Variants in UBA3 observed in about 807,000 individuals in gnomAD.
UBA3 encodes the protein NEDD8-activating enzyme E1 catalytic subunit.
Under a neutral mutation model 73.5 loss-of-function variants are expected in UBA3, and 26 were observed. That is an observed-to-expected ratio of 0.35 (90% CI 0.26 to 0.49). UBA3 has a LOEUF of 0.49. Among genes scored for constraint, UBA3 ranks in the 20% least tolerant of loss-of-function variants. The probability of loss-of-function intolerance (pLI) is 0.98; values close to 1 mark genes in which losing one functional copy is unlikely to be tolerated. For missense variants in UBA3, 495 were observed against 555.6 expected (o/e 0.89, Z 1.10); for synonymous variants, 217 against 191.2 (o/e 1.13, Z -1.11).
chr3:69,070,449 A>T (rs939165032), intron 5 of UBA3, among the ~76,000 whole-genome samples: 1 of 152,170 alleles, frequency 6.6e-6, no homozygotes, highest in Non-Finnish European at 1.5e-5. Flanking sequence ...ATATACCCAG[A>T]ACAATTTGAG....
At chr3:69,063,404 A>G (rs2092039816) in intron 8 of UBA3, 35 bp downstream of exon 8, 1 of 1,569,746 alleles carries the variant, frequency 6.4e-7, no homozygotes, top group Non-Finnish European at 8.6e-7. Context: ...AGCAGCAAGA[A>G]CTTCAGAGAA....
At position 69,061,933 on chromosome 3, in the gene UBA3, TAA is replaced by T. The variant is rs539744043; in HGVS notation, c.797-8_797-7del. ...TCCATCTAATGGAACCCCTTCTGTT[TAA>T]AAAAAAAAAGGGAGAGAGAGAGAGA... On this transcript the variant is annotated splice_region_variant and splice_polypyrimidine_tract_variant and intron_variant, in intron 10 of 17. Transcript: ENST00000361055. 1.7e-4 allele frequency: 222 copies of T among 1,280,132 alleles called. No homozygotes were observed. Among genetic ancestry groups the T allele is most frequent in the South Asian group, 3.2e-4 (21 of 65,082 alleles). The allele number at this position is 1,280,132 out of a possible 1,614,324, so 79.3% of individuals were successfully genotyped here. A position where few individuals can be genotyped will look rare whatever the true frequency, so the allele number is the denominator to read the frequency against.
Position 69,055,540 on chromosome 3 carries a change from A to C in UBA3, c.1304-15T>G. 1 of 1,570,494 alleles carries C rather than the reference A, an allele frequency of 6.4e-7. No homozygotes were observed. The highest frequency in any genetic ancestry group is 8.6e-7 in the Non-Finnish European group (1 of 1,162,884). ...AAGCCCCAATTCTAAAACAGAAAAA[A>C]TATTATTAATACAAGCAAAAAAAAC... On this transcript the variant is annotated splice_polypyrimidine_tract_variant and intron_variant, in intron 17 of 17. Transcript: ENST00000361055.
chr3:69,063,338 A>C, intron 8 of UBA3, 101 bp downstream of exon 8: 1 of 1,342,206 alleles, frequency 7.5e-7, no homozygotes, highest in Non-Finnish European at 1.0e-6. Context: ...TTAATTAAAA[A>C]TTAAACTCTG....
Position 69,063,314 on chromosome 3 carries a change from T to C in UBA3, c.537+125A>G. On this transcript the variant is annotated intron_variant, in intron 8 of 17. Transcript: ENST00000361055. ...AAAACCAATGACTGGCAATAAACAA[T>C]GAAGTAAATATACTTAATTAAAAAT... 3 of 1,242,760 alleles carry C rather than the reference T, an allele frequency of 2.4e-6. No homozygotes were observed. In the South Asian group the frequency reaches 4.2e-5, roughly 18 times the overall value. 77.0% of individuals were successfully genotyped at this position (1,242,760 alleles called of 1,614,324 possible).
chr3:69,059,530 G>A (rs941388517), intron 11 of UBA3, among the ~76,000 whole-genome samples: 1 of 152,154 alleles, frequency 6.6e-6, no homozygotes, highest in African/African-American at 2.4e-5. Flanking sequence ...AAGAGATGAG[G>A]AGCCAGCCTG....
In UBA3 at chr3:69,077,788, C is replaced by A. The variant is rs1053491600; in HGVS notation, c.183+10G>T. On this transcript the variant is annotated intron_variant, in intron 3 of 17. Transcript: ENST00000361055. ...ATTAGAGCAGTTATTTAAAAATAAA[C>A]GTTTCTCACTTCAGTGCTCGGTTCG... 3.7e-6 allele frequency: 6 copies of A among 1,606,802 alleles called. No homozygotes were observed. Among genetic ancestry groups the A allele is most frequent in the Non-Finnish European group, 5.1e-6 (6 of 1,176,744 alleles).
At chr3:69,069,784 G>A (rs796867675) in intron 5 of UBA3, among the ~76,000 whole-genome samples, 13 of 152,248 alleles carry the variant, frequency 8.5e-5, no homozygotes, top group African/African-American at 3.1e-4. Flanking sequence ...CACACAGAAA[G>A]CTCTTTTGGT....
chr3:69,060,050 T>C (rs1199160929), intron 11 of UBA3, among the ~76,000 whole-genome samples: 1 of 152,108 alleles, frequency 6.6e-6, no homozygotes, highest in East Asian at 1.9e-4. Context: ...ATGAACAGAA[T>C]GAGATAAACC....
chr3:69,063,158 G>A (rs757569365), intron 8 of UBA3, 21 bp from the exon 9 acceptor site: 2 of 1,612,028 alleles, frequency 1.2e-6, no homozygotes, highest in Non-Finnish European at 1.7e-6. Context: ...AATTTGAAGG[G>A]CTTTAAAGGA....
chr3:69,063,283 C>T, intron 8 of UBA3, 146 bp from the exon 9 acceptor site: 1 of 1,267,828 alleles, frequency 7.9e-7, no homozygotes, highest in East Asian at 2.5e-5. Flanking sequence ...TTTGTGTCTT[C>T]ACCTGAAAAC....
Position 69,055,564 on chromosome 3 carries a change from A to T in UBA3, c.1304-39T>A, listed in dbSNP as rs543392466. Reference sequence around the variant, plus strand: ...AATATTATTAATACAAGCAAAAAAAACTCAACAGAAAGGATAATACACATG... The same window carrying T: ...AATATTATTAATACAAGCAAAAAAATCTCAACAGAAAGGATAATACACATG... On this transcript the variant is annotated intron_variant, in intron 17 of 17. Transcript: ENST00000361055. 68 of 1,482,910 alleles carry T rather than the reference A, an allele frequency of 4.6e-5. 3 individuals carry two copies. The South Asian group carries it at 8.2e-4, about 18-fold the overall frequency. The allele number at this position is 1,482,910 out of a possible 1,614,324, so 91.9% of individuals were successfully genotyped here. A position where few individuals can be genotyped will look rare whatever the true frequency, so the allele number is the denominator to read the frequency against.
intron 2 of UBA3, among the ~76,000 whole-genome samples, chr3:69,078,537 G>GACTGCAGCTC (rs2107503286): frequency 6.6e-6 from 1 of 152,200 alleles, no homozygotes; most frequent in South Asian, 2.1e-4. Flanking sequence ...GCAGTGGTGT[G>GACTGCAGCTC]ACTGCAGCTC....
At chr3:69,076,144 T>C (rs868138261) in intron 3 of UBA3, among the ~76,000 whole-genome samples, 1 of 152,192 alleles carries the variant, frequency 6.6e-6, no homozygotes, top group East Asian at 1.9e-4. Flanking sequence ...GAACATCAAA[T>C]TCAGTTAACT....
At chr3:69,061,576 A>T (rs2092021352) in intron 11 of UBA3, 1 of 391,552 alleles carries the variant, frequency 2.6e-6, no homozygotes, top group Admixed American at 4.1e-5. Flanking sequence ...CTAAGAGATG[A>T]TGAATTCAGT....
chr3:69,062,223 A>C, intron 9 of UBA3, 44 bp from the exon 10 acceptor site: 2 of 1,291,878 alleles, frequency 1.5e-6, no homozygotes, highest in Non-Finnish European at 1.1e-6. Context: ...TAAACGAATT[A>C]TTTTAAAATG....
intron 3 of UBA3, among the ~76,000 whole-genome samples, chr3:69,076,918 C>T (rs1002043244): frequency 5.3e-5 from 8 of 151,570 alleles, no homozygotes; most frequent in South Asian, 2.1e-4. Flanking sequence ...ATAAAGTGAG[C>T]GAAACTCACA....
chr3:69,078,650 T>G (rs2092190561), intron 2 of UBA3, among the ~76,000 whole-genome samples: 1 of 152,088 alleles, frequency 6.6e-6, no homozygotes, highest in South Asian at 2.1e-4. Flanking sequence ...ATTTTTGTAT[T>G]TTTAGTAGAG....
chr3:69,055,582 T>C (rs2091965955), intron 17 of UBA3, 57 bp from the exon 18 acceptor site: 2 of 1,319,198 alleles, frequency 1.5e-6, no homozygotes, highest in Admixed American at 2.3e-5. Flanking sequence ...GAAAGGATAA[T>C]ACACATGTAA....
Sources: allele counts gnomAD v4.1 joint callset (sites outside exome capture counted in the v4.1 genomes callset), GRCh38; gene constraint gnomAD v4.1.1; transcripts MANE v1.5; gene names NCBI Gene and HGNC (gene_info 2026-07-23, HGNC 2026-07-21).